The following FGD5 variants were observed in gnomAD, a reference collection of about 807,000 sequenced individuals.
FGD5 encodes the protein FYVE, RhoGEF and PH domain containing 5.
FGD5 carries 28 observed loss-of-function variants against 133.4 expected under a neutral mutation model. The observed-to-expected ratio is 0.21, with a 90% CI of 0.16 to 0.29. The LOEUF is 0.29. Ranked by LOEUF, FGD5 falls within the 10% of genes least tolerant of loss-of-function variation. FGD5 has a pLI of 1.00. For synonymous variants in FGD5, 810 were observed against 776.5 expected, an observed-to-expected ratio of 1.04 and a Z score of -0.72; for missense variants, 1,858 against 1,895.2, an observed-to-expected ratio of 0.98 and a Z score of 0.36.
chr3:14,897,790 G>A, intron 5 of FGD5, 121 bp downstream of exon 5: 1 of 1,453,732 alleles, frequency 6.9e-7, no homozygotes, highest in Non-Finnish European at 9.2e-7. Context: ...GAACTCCGAA[G>A]TGTTAAGTCA....
At chr3:14,926,327 G>A (rs1055060783) in intron 18 of FGD5, 129 bp downstream of exon 18, 1 of 1,219,156 alleles carries the variant, frequency 8.2e-7, no homozygotes, top group Non-Finnish European at 1.2e-6. Context: ...TGGCAGTCAA[G>A]TCTTTAGTGA....
chr3:14,898,868 C>T, intron 7 of FGD5, 42 bp downstream of exon 7: 1 of 1,528,568 alleles, frequency 6.5e-7, no homozygotes, highest in Middle Eastern at 1.7e-4. Flanking sequence ...GGCGGCAGGG[C>T]AGGGAAGGCC....
chr3:14,851,064 C>CT (rs2037154217), intron 1 of FGD5, among the ~76,000 whole-genome samples: 1 of 152,098 alleles, frequency 6.6e-6, no homozygotes, highest in African/African-American at 2.4e-5. Context: ...GATGGGGAAA[C>CT]TAAGGCCCTT....
intron 18 of FGD5, among the ~76,000 whole-genome samples, chr3:14,929,314 C>G (rs1357591684): frequency 6.6e-6 from 1 of 152,182 alleles, no homozygotes; most frequent in Non-Finnish European, 1.5e-5. Context: ...CATTTTCATA[C>G]AGGTTTTTGT....
intron 17 of FGD5, 138 bp downstream of exon 17, chr3:14,924,276 C>T (rs1559508431): frequency 7.5e-7 from 1 of 1,341,750 alleles, no homozygotes; most frequent in Non-Finnish European, 1.0e-6. Flanking sequence ...ATGGAAGCAT[C>T]CCAGCTACGA....
chr3:14,903,391 T>C (rs1392661426), intron 9 of FGD5, among the ~76,000 whole-genome samples: 3 of 152,048 alleles, frequency 2.0e-5, no homozygotes, highest in East Asian at 1.9e-4. Flanking sequence ...TTAGGGTACA[T>C]GTGCACAATG....
At position 14,900,420 on chromosome 3, in the gene FGD5, T is replaced by C; in HGVS notation, c.3172T>C (p.Cys1058Arg). Residue 1058 changes from cysteine to arginine, a missense_variant, in exon 8 of 20, where the codon TGT (cysteine) becomes CGT (arginine). Cys to Arg is a radical substitution (Grantham distance 180). Around this residue, in one of 3 missense-constraint regions of FGD5, gnomAD observed 1,824 missense variants for 1,848.9 expected, o/e 0.99. Transcript: ENST00000285046. ...GCCAACAGACTATTTAAACAACCTT[T>C]GTCCGGACTCCGCCGAGTACGACAA... ...VLLTDYLNNL[C>R]PDSAEYDNTQ... 6.2e-7 allele frequency: 1 copy of C among 1,613,600 alleles called. No homozygotes were observed. Among genetic ancestry groups the C allele is most frequent in the Non-Finnish European group, 8.5e-7 (1 of 1,179,744 alleles).
chr3:14,921,982 G>A lies in FGD5; in HGVS notation c.3634G>A (p.Ala1212Thr). 1.3e-6 allele frequency: 2 copies of A among 1,569,176 alleles called. No homozygotes were observed. The highest frequency in any genetic ancestry group is 1.7e-6 in the Non-Finnish European group (2 of 1,157,036). Residue 1212 changes from alanine (A) to threonine (T), a missense_variant, in exon 14 of 20, where the codon GCC becomes ACC. Transcript: ENST00000285046. ...LSRALPEDYK[A>T]QALAAFHHSV... ...CAGAGCCCTCCCTGAGGACTACAAG[G>A]CCCAGGCGCTGGCTGCATTCCACCA...
In FGD5 at chr3:14,829,329, C is replaced by T. The variant is rs116734872; in HGVS notation, c.2525+7733C>T. Among the ~76,000 whole-genome samples the T allele has an allele frequency of 7.0e-3, 1,064 of 152,166 alleles. 6 individuals carry two copies. Among genetic ancestry groups the T allele is most frequent in the Non-Finnish European group, 0.012 (815 of 68,018 alleles). On this transcript the variant is annotated intron_variant, in intron 1 of 19. Coordinates refer to ENST00000285046, the MANE Select transcript of FGD5 (RefSeq NM_152536.4). The stretch of plus-strand genomic sequence containing the variant: ...TCCATAGTGATTTTCAGCAGGGGAA[C>T]GCCGTCGTGTGGGTGGTGCATTGCA...
intron 1 of FGD5, chr3:14,810,944 G>C (rs928035323): frequency 4.3e-5 from 42 of 974,348 alleles, no homozygotes; most frequent in Middle Eastern, 1.1e-3. Flanking sequence ...GGAGCTCCCG[G>C]GGAGCCCGGG....
chr3:14,850,827 G>A (rs1269800157), intron 1 of FGD5, among the ~76,000 whole-genome samples: 1 of 151,746 alleles, frequency 6.6e-6, no homozygotes, highest in Non-Finnish European at 1.5e-5. Context: ...TTGGGCAAGT[G>A]CAGGGGAGGG....
At chr3:14,835,233 C>T (rs1160129900) in intron 1 of FGD5, among the ~76,000 whole-genome samples, 17 of 152,244 alleles carry the variant, frequency 1.1e-4, no homozygotes, top group African/African-American at 4.8e-5. Context: ...CGAGGTGGCT[C>T]ACGCCTGTAA....
intron 18 of FGD5, among the ~76,000 whole-genome samples, chr3:14,927,972 T>C (rs970485716): frequency 2.0e-5 from 3 of 148,586 alleles, no homozygotes; most frequent in African/African-American, 5.0e-5. Context: ...AGATGGAGAC[T>C]CACTCTGTCA....
intron 11 of FGD5, among the ~76,000 whole-genome samples, chr3:14,914,116 C>G (rs1365210649): frequency 6.6e-6 from 1 of 152,222 alleles, no homozygotes; most frequent in Non-Finnish European, 1.5e-5. Flanking sequence ...TGATAACTCT[C>G]TAATGGAGGG....
At chr3:14,879,297 C>T (rs956842009) in intron 2 of FGD5, among the ~76,000 whole-genome samples, 8 of 152,328 alleles carry the variant, frequency 5.3e-5, no homozygotes, top group Admixed American at 2.0e-4. Flanking sequence ...TTCACAGCCT[C>T]CCCCGTCTAT....
intron 1 of FGD5, among the ~76,000 whole-genome samples, chr3:14,839,841 G>A (rs753522625): frequency 6.6e-6 from 1 of 152,088 alleles, no homozygotes; most frequent in African/African-American, 2.4e-5. Context: ...GCTGAGGCAG[G>A]AGAATCGCAT....
At chr3:14,897,727 G>A (rs2038163894) in intron 5 of FGD5, 58 bp downstream of exon 5, 1 of 1,521,084 alleles carries the variant, frequency 6.6e-7, no homozygotes. Flanking sequence ...AATGGAGACG[G>A]ATAAAAACAC....
intron 2 of FGD5, among the ~76,000 whole-genome samples, chr3:14,879,022 T>G (rs1674383701): frequency 1.3e-5 from 2 of 152,224 alleles, no homozygotes; most frequent in South Asian, 4.1e-4. Flanking sequence ...GCCCATGCTT[T>G]TAACCACAAC....
chr3:14,814,574 G>T (rs1406561460), upstream of FGD5, among the ~76,000 whole-genome samples: 1 of 152,140 alleles, frequency 6.6e-6, no homozygotes, highest in East Asian at 1.9e-4. Flanking sequence ...GGCCCCCAGA[G>T]CTCCCTCCTT....
Sources: gnomAD v4.1 joint callset for allele counts (sites outside exome capture counted in the v4.1 genomes callset) on GRCh38, gnomAD v4.1.1 for gene constraint, gnomAD v4.1.1 regional missense constraint, MANE v1.5 for transcripts, NCBI Gene and HGNC (gene_info 2026-07-23, HGNC 2026-07-21) for gene names.